Variants in ABCA4 observed in about 807,000 individuals in gnomAD.
ABCA4 encodes the protein ATP binding cassette subfamily A member 4.
In ABCA4, 196 loss-of-function variants were observed where a neutral mutation model predicts 263.7. The observed-to-expected ratio is 0.74, with a 90% confidence interval of 0.66 to 0.84. The LOEUF (loss-of-function observed/expected upper bound fraction) is 0.84, where lower values mean the gene tolerates loss of function less well. Ranked by LOEUF, ABCA4 falls within the 40% of genes least tolerant of loss-of-function variation. The pLI is 0.00. For synonymous variants in ABCA4, 1,133 were observed against 1,094.2 expected, an observed-to-expected ratio of 1.04 and a Z score of -0.70; for missense variants, 2,792 against 2,855.1, an observed-to-expected ratio of 0.98 and a Z score of 0.50.
At chr1:94,114,977 C>G (rs957719207) in intron 1 of ABCA4, among the ~76,000 whole-genome samples, 2 of 152,174 alleles carry the variant, frequency 1.3e-5, no homozygotes, top group African/African-American at 4.8e-5. Context: ...AATGAGTGAG[C>G]CTTTGTCAAG....
chr1:94,043,276 G>T, intron 21 of ABCA4, 60 bp downstream of exon 21: 1 of 1,611,698 alleles, frequency 6.2e-7, no homozygotes, highest in Non-Finnish European at 8.5e-7. Flanking sequence ...TGCCTCCTGG[G>T]TGCACTGGGG....
At chr1:94,079,542 C>T in intron 8 of ABCA4, 81 bp from the exon 9 acceptor site, 1 of 1,593,184 alleles carries the variant, frequency 6.3e-7, no homozygotes. Context: ...ATCCACATCA[C>T]ATGTCTCATT....
At chr1:94,097,766 T>C (rs1386819512) in intron 6 of ABCA4, among the ~76,000 whole-genome samples, 1 of 152,166 alleles carries the variant, frequency 6.6e-6, no homozygotes, top group East Asian at 1.9e-4. Context: ...TTTGTTTTTA[T>C]TGAGACGGAG....
chr1:94,043,014 T>C, intron 21 of ABCA4, 116 bp from the exon 22 acceptor site: 8 of 1,443,792 alleles, frequency 5.5e-6, no homozygotes, highest in Non-Finnish European at 7.7e-6. Flanking sequence ...TGGTGCTGCC[T>C]CTTAGATGTT....
intron 44 of ABCA4, among the ~76,000 whole-genome samples, chr1:94,003,868 G>A (rs576139001): frequency 6.6e-6 from 1 of 152,164 alleles, no homozygotes. Flanking sequence ...GAACTCCTGG[G>A]CTCAAGCGAT....
intron 5 of ABCA4, among the ~76,000 whole-genome samples, chr1:94,102,605 G>T (rs1405644748): frequency 6.6e-6 from 1 of 152,136 alleles, no homozygotes; most frequent in East Asian, 1.9e-4. Context: ...AGCATCGCCT[G>T]TGGCCCCACT....
At chr1:94,093,026 A>C (rs1294149011) in intron 6 of ABCA4, among the ~76,000 whole-genome samples, 1 of 152,192 alleles carries the variant, frequency 6.6e-6, no homozygotes, top group Non-Finnish European at 1.5e-5. Flanking sequence ...GTTAGGAGCC[A>C]ACATAGAGCC....
Position 94,060,654 on chromosome 1 carries a change from T to C in ABCA4, c.2043A>G (p.Arg681=). The change falls in exon 14 of 50, where the codon CGA becomes CGG. Residue 681 remains arginine (R), a synonymous_variant. Coordinates refer to ENST00000370225, the MANE Select transcript of ABCA4 (RefSeq NM_000350.3). ...CCTGATTTTTCAAGGTCTCCTTCAG[T>C]CGCAACTCCTTCTCCAAGACGATGC... ...VKSIVLEKEL[R]LKETLKNQGV... The C allele has an allele frequency of 6.2e-7, 1 of 1,614,130 alleles. No homozygotes were observed. The highest frequency in any genetic ancestry group is 8.5e-7 in the Non-Finnish European group (1 of 1,180,016).
chr1:94,117,015 TTTCTTTCTTTCC>T lies in ABCA4; in HGVS notation c.66+3953_67-3950del, dbSNP rs1166519948. ...CTTTCTTTCTTTCTTTCTTTCTTTC[TTTCTTTCTTTCC>T]TTTTCTTTCTTTCTTCTTCTTTCCT... On this transcript the variant is annotated intron_variant, in intron 1 of 49. Transcript: ENST00000370225. Among the ~76,000 whole-genome samples, 74 of 143,590 alleles carry T rather than the reference TTTCTTTCTTTCC, an allele frequency of 5.2e-4. 1 individual carries two copies. Among genetic ancestry groups the T allele is most frequent in the African/African-American group, 1.4e-3 (56 of 39,020 alleles). The allele number at this position is 143,590 out of a possible 152,430, so 94.2% of individuals were successfully genotyped here.
chr1:94,061,531 A>G (rs1352231292), intron 13 of ABCA4: 1 of 152,738 alleles, frequency 6.5e-6, no homozygotes, highest in East Asian at 1.9e-4. Flanking sequence ...CAATTCCAGC[A>G]TGGGAGGGTT....
At chr1:94,016,987 C>G (rs542570415) in intron 36 of ABCA4, among the ~76,000 whole-genome samples, 1 of 152,212 alleles carries the variant, frequency 6.6e-6, no homozygotes, top group Admixed American at 6.5e-5. Context: ...CAAGACGATA[C>G]AGAAGCCAGC....
rs113698006 is a variant in ABCA4 at position 94,041,263 on chromosome 1, G to A, written c.3468C>T (p.Tyr1156=). 1.0e-4 allele frequency: 167 copies of A among 1,614,172 alleles called. No homozygotes were observed. In the African/African-American group the frequency reaches 1.7e-3, roughly 17 times the overall value. Residue 1156 remains tyrosine (Y), a synonymous_variant, in exon 23 of 50, where the codon TAC becomes TAT. Coordinates refer to ENST00000370225, the MANE Select transcript of ABCA4 (RefSeq NM_000350.3). ...FLKNCFGTGL[Y]LTLVRKMKNI... ...TTTTCATCTTGCGCACCAAGGTTAAGTACAAGCCTGTGCCAAAGCAGTTCT... is the reference window on the plus strand; with the variant it reads ...TTTTCATCTTGCGCACCAAGGTTAAATACAAGCCTGTGCCAAAGCAGTTCT...
chr1:94,029,656 C>T, intron 29 of ABCA4, 25 bp from the exon 30 acceptor site: 1 of 1,603,840 alleles, frequency 6.2e-7, no homozygotes, highest in South Asian at 1.1e-5. Context: ...GAAAATATTC[C>T]ATAATCAGCC....
At chr1:94,095,169 G>A (rs1256216015) in intron 6 of ABCA4, among the ~76,000 whole-genome samples, 1 of 152,170 alleles carries the variant, frequency 6.6e-6, no homozygotes, top group Admixed American at 6.5e-5. Context: ...GGTGTGGGAG[G>A]GATGTAGTAA....
intron 5 of ABCA4, among the ~76,000 whole-genome samples, chr1:94,100,020 C>T (rs956741056): frequency 2.6e-5 from 4 of 152,150 alleles, no homozygotes; most frequent in Admixed American, 1.3e-4. Context: ...CACTGAGTAC[C>T]GTGGGCAAAT....
At chr1:94,045,961 C>T (rs1253315955) in intron 19 of ABCA4, 1 of 456,164 alleles carries the variant, frequency 2.2e-6, no homozygotes, top group South Asian at 1.5e-5. Context: ...GGGGCGCCTG[C>T]GGAGCTGAGA....
chr1:94,010,600 G>C lies in ABCA4; in HGVS notation c.5714+200C>G, dbSNP rs1389715985. On this transcript the variant is annotated intron_variant, in intron 40 of 49. Transcript: ENST00000370225. ...AGCACTGCATTTTAAATATTTTAAA[G>C]TGGATGCTCTTCACATATTTGAATG... 5.4e-6 allele frequency: 4 copies of C among 742,124 alleles called. No homozygotes were observed. In the African/African-American group the frequency reaches 6.9e-5, roughly 13 times the overall value. The allele number at this position is 742,124 out of a possible 1,614,324, so 46.0% of individuals were successfully genotyped here.
intron 4 of ABCA4, among the ~76,000 whole-genome samples, chr1:94,103,402 TG>T (rs1485534535): frequency 6.6e-6 from 1 of 152,054 alleles, no homozygotes; most frequent in Non-Finnish European, 1.5e-5. Context: ...AGATGCTTTG[TG>T]GGGTTGGTCT....
chr1:94,082,121 C>T (rs1310280731), intron 7 of ABCA4, among the ~76,000 whole-genome samples: 1 of 152,198 alleles, frequency 6.6e-6, no homozygotes, highest in Non-Finnish European at 1.5e-5. Context: ...CCTATAATCA[C>T]CATCTATGCT....
Sources: allele counts gnomAD v4.1 joint callset (sites outside exome capture counted in the v4.1 genomes callset), GRCh38; gene constraint gnomAD v4.1.1; transcripts MANE v1.5; gene names NCBI Gene and HGNC (gene_info 2026-07-23, HGNC 2026-07-21).